PTPRD: variants seen among roughly 807,000 people sequenced by gnomAD.
PTPRD encodes the protein protein tyrosine phosphatase receptor type D, also known as receptor-type tyrosine-protein phosphatase delta.
A neutral mutation model predicts 214.5 loss-of-function variants in PTPRD; 34 were observed. The ratio of observed to expected loss-of-function variants is 0.16; its 90% CI spans 0.12 to 0.21. The LOEUF (loss-of-function observed/expected upper bound fraction) is 0.21, where lower values mean the gene tolerates loss of function less well. Ranked by LOEUF, PTPRD falls within the 10% of genes least tolerant of loss-of-function variation. The pLI is 1.00. For missense variants in PTPRD, 2,545 were observed against 2,398.7 expected, an observed-to-expected ratio of 1.06 and a Z score of -1.27; for synonymous variants, 1,128 against 845.7, an observed-to-expected ratio of 1.33 and a Z score of -5.79.
chr9:9,641,555 G>T (rs575618313), intron 7 of PTPRD, among the ~76,000 whole-genome samples: 1 of 152,264 alleles, frequency 6.6e-6, no homozygotes, highest in East Asian at 1.9e-4. Context: ...CATAACAACT[G>T]TTTCTGTACT....
intron 7 of PTPRD, among the ~76,000 whole-genome samples, chr9:9,688,662 G>C (rs909137277): frequency 6.6e-6 from 1 of 151,826 alleles, no homozygotes; most frequent in Non-Finnish European, 1.5e-5. Flanking sequence ...AGGCCAGTGA[G>C]GCCACTAGTC....
chr9:8,397,511 C>A (rs1356609117), intron 36 of PTPRD, among the ~76,000 whole-genome samples: 2 of 151,940 alleles, frequency 1.3e-5, no homozygotes, highest in African/African-American at 2.4e-5. Flanking sequence ...ACCAGATATG[C>A]CCCTTGCCCA....
intron 8 of PTPRD, among the ~76,000 whole-genome samples, chr9:9,442,890 T>A (rs1323113637): frequency 6.6e-6 from 1 of 152,190 alleles, no homozygotes; most frequent in African/African-American, 2.4e-5. Context: ...TTTGAGCCAT[T>A]GTGGTGTGCA....
intron 12 of PTPRD, among the ~76,000 whole-genome samples, chr9:8,725,131 G>T (rs1248961127): frequency 6.6e-6 from 1 of 152,098 alleles, no homozygotes; most frequent in East Asian, 1.9e-4. Context: ...TATGATTGTT[G>T]TAATGTCTTT....
At chr9:10,063,158 T>C (rs987772532) in intron 3 of PTPRD, among the ~76,000 whole-genome samples, 2 of 152,042 alleles carry the variant, frequency 1.3e-5, no homozygotes, top group Non-Finnish European at 2.9e-5. Flanking sequence ...TGTTATTCTA[T>C]GTAACAAGGT....
chr9:9,431,449 GTT>G (rs2083086185), intron 8 of PTPRD, among the ~76,000 whole-genome samples: 1 of 152,142 alleles, frequency 6.6e-6, no homozygotes, highest in African/African-American at 2.4e-5. Context: ...CTTTTACACT[GTT>G]GGTGGGAGTG....
chr9:9,863,459 T>C (rs1210896744), intron 5 of PTPRD, among the ~76,000 whole-genome samples: 1 of 152,148 alleles, frequency 6.6e-6, no homozygotes, highest in African/African-American at 2.4e-5. Context: ...GTCTGATCAG[T>C]TTCCACCTCA....
At chr9:9,375,842 G>GA (rs1479871044) in intron 9 of PTPRD, among the ~76,000 whole-genome samples, 1 of 152,088 alleles carries the variant, frequency 6.6e-6, no homozygotes, top group African/African-American at 2.4e-5. Flanking sequence ...TTGCGATGAT[G>GA]AAAAAGTCCA....
intron 8 of PTPRD, among the ~76,000 whole-genome samples, chr9:9,455,716 G>C (rs531008599): frequency 6.6e-6 from 1 of 151,414 alleles, no homozygotes; most frequent in Non-Finnish European, 1.5e-5. Flanking sequence ...AATATAAAGG[G>C]GCAAAAGCAT....
intron 14 of PTPRD, among the ~76,000 whole-genome samples, chr9:8,594,782 G>A (rs1188653311): frequency 2.6e-5 from 4 of 151,632 alleles, no homozygotes; most frequent in Admixed American, 2.0e-4. Context: ...AGTTGATTAA[G>A]CCTCTTTTCT....
At chr9:10,047,615 G>A (rs1388893358) in intron 3 of PTPRD, among the ~76,000 whole-genome samples, 1 of 151,732 alleles carries the variant, frequency 6.6e-6, no homozygotes, top group East Asian at 1.9e-4. Context: ...TTATACCCCT[G>A]CCAAAATTTG....
chr9:9,947,585 A>T (rs35350607), intron 4 of PTPRD, among the ~76,000 whole-genome samples: 17,453 of 44,640 alleles, frequency 0.39, 4,798 homozygotes, highest in East Asian at 0.92. Flanking sequence ...TTATATATAT[A>T]TTATATATAT....
chr9:10,196,990 C>A (rs74597273), intron 3 of PTPRD, among the ~76,000 whole-genome samples: 2 of 152,084 alleles, frequency 1.3e-5, no homozygotes, highest in African/African-American at 2.4e-5. Context: ...CATGCTGGCA[C>A]GCTGATCTCA....
intron 5 of PTPRD, among the ~76,000 whole-genome samples, chr9:9,927,233 G>C (rs1190820905): frequency 3.3e-5 from 5 of 152,092 alleles, no homozygotes; most frequent in African/African-American, 1.2e-4. Flanking sequence ...CCCACTGCTG[G>C]AGGAGGAGCA....
At chr9:8,341,565 T>G in intron 40 of PTPRD, 128 bp downstream of exon 40, 1 of 1,117,136 alleles carries the variant, frequency 9.0e-7, no homozygotes, top group South Asian at 1.5e-5. Context: ...TTTATAATCA[T>G]ACACCTGAGG....
At chr9:9,625,577 GA>G (rs1405485682) in intron 7 of PTPRD, among the ~76,000 whole-genome samples, 1 of 149,438 alleles carries the variant, frequency 6.7e-6, no homozygotes. Flanking sequence ...TGTTTTGAGT[GA>G]GGGGAGGATG....
chr9:10,265,126 G>C (rs935796413), intron 3 of PTPRD, among the ~76,000 whole-genome samples: 5 of 152,090 alleles, frequency 3.3e-5, no homozygotes. Context: ...CACGAAAACA[G>C]ACTAATACAG....
intron 11 of PTPRD, among the ~76,000 whole-genome samples, chr9:8,866,172 C>T (rs1275588934): frequency 1.3e-5 from 2 of 152,172 alleles, no homozygotes; most frequent in African/African-American, 4.8e-5. Flanking sequence ...CTGAACAAGT[C>T]TTGGAGAGAT....
chr9:9,573,932 C>CA (rs2087462730), intron 8 of PTPRD, among the ~76,000 whole-genome samples: 1 of 151,708 alleles, frequency 6.6e-6, no homozygotes, highest in Admixed American at 6.6e-5. Flanking sequence ...GAGTTTTAAT[C>CA]AACTGCCTTT....
Sources: gnomAD v4.1 joint callset for allele counts (sites outside exome capture counted in the v4.1 genomes callset) on GRCh38, gnomAD v4.1.1 for gene constraint, MANE v1.5 for transcripts, NCBI Gene and HGNC (gene_info 2026-07-23, HGNC 2026-07-21) for gene names.